The following TAPT1 variants were observed in gnomAD, a reference collection of about 807,000 sequenced individuals.
TAPT1 encodes the protein transmembrane anterior posterior transformation 1.
In TAPT1, 28 loss-of-function variants were observed where a neutral mutation model predicts 65.6. That is an observed-to-expected ratio of 0.43 (90% CI 0.32 to 0.59). The LOEUF (loss-of-function observed/expected upper bound fraction) is 0.59. Among genes scored for constraint, TAPT1 ranks in the 20% least tolerant of loss-of-function variants. The pLI is 0.09. For synonymous variants in TAPT1, 278 were observed against 245.2 expected (o/e 1.13, Z -1.25); for missense variants, 563 against 679.9 (o/e 0.83, Z 1.91).
intron 7 of TAPT1, chr4:16,183,168 G>A (rs1187453303): frequency 6.6e-6 from 1 of 152,064 alleles, no homozygotes; most frequent in African/African-American, 2.4e-5. Flanking sequence ...GCTGAACGTT[G>A]CCTAGAATAT....
At chr4:16,178,725 T>C (rs1223750116) in intron 8 of TAPT1, among the ~76,000 whole-genome samples, 2 of 152,212 alleles carry the variant, frequency 1.3e-5, no homozygotes, top group African/African-American at 2.4e-5. Context: ...TGAAAATTCA[T>C]GGAGTCTTGA....
rs988660668 is a variant in TAPT1, at chr4:16,160,825, T to C, written c.*2483A>G. Reference sequence around the variant, plus strand: ...AGGATATATTTTGATGGCCTAATTATAGCAAGTTTCTTTCACTTTATGTAA... The same window carrying C: ...AGGATATATTTTGATGGCCTAATTACAGCAAGTTTCTTTCACTTTATGTAA... On this transcript the variant is annotated 3_prime_UTR_variant, in exon 14 of 14. Transcript: ENST00000405303. The C allele has an allele frequency of 6.5e-6, 1 of 152,680 alleles. No individual in the cohort carries two copies. The highest frequency in any genetic ancestry group is 1.5e-5 in the Non-Finnish European group (1 of 68,044). 9.5% of individuals were successfully genotyped at this position (152,680 alleles called of 1,614,324 possible).
chr4:16,208,770 G>C (rs60768295), intron 2 of TAPT1, among the ~76,000 whole-genome samples: 26,363 of 152,192 alleles, frequency 0.17, 2,806 homozygotes, highest in East Asian at 0.3. Flanking sequence ...ATTCTATACA[G>C]CTAAAAGCAT....
intron 5 of TAPT1, 112 bp from the exon 6 acceptor site, chr4:16,186,990 A>G: frequency 3.1e-6 from 2 of 649,192 alleles, no homozygotes; most frequent in Non-Finnish European, 5.4e-6. Flanking sequence ...AATTGTCTTA[A>G]TAAGTATTGT....
chr4:16,181,689 TC>T lies in TAPT1; in HGVS notation c.917-2033del, dbSNP rs541182373. On this transcript the variant is annotated intron_variant, in intron 7 of 13. Coordinates refer to ENST00000405303, the MANE Select transcript of TAPT1 (RefSeq NM_153365.3). ...TTCAAGCAATTCTCCTGTCTCAGCC[TC>T]CGGAGTAGCTGGGATTACAGGCATG... Among the ~76,000 whole-genome samples the T allele has an allele frequency of 9.8e-5, 15 of 152,316 alleles. No homozygotes were observed. In the East Asian group the frequency reaches 2.9e-3, roughly 29 times the overall value.
intron 3 of TAPT1, among the ~76,000 whole-genome samples, chr4:16,199,973 C>T (rs548785166): frequency 5.0e-4 from 76 of 152,270 alleles, no homozygotes; most frequent in Non-Finnish European, 5.4e-4. Context: ...GAGTGCAACA[C>T]AGTTTTAGAT....
At chr4:16,213,430 G>GA (rs146159131) in intron 2 of TAPT1, among the ~76,000 whole-genome samples, 11 of 151,688 alleles carry the variant, frequency 7.3e-5, no homozygotes, top group African/African-American at 1.9e-4. Context: ...CTGAATGGGG[G>GA]AAAAAAAACC....
Position 16,163,401 on chromosome 4 carries a change from TATGTCCTTCTCGTC to T in TAPT1, c.1597_1610del (p.Asp533AsnfsTer6). ...GTTTTAATTCAGAATTGTCCTGCGT[TATGTCCTTCTCGTC>T]ACCATCTGGAGTTGTCAAAAACTGA... is the stretch of plus-strand genomic sequence containing the variant. On this transcript the variant is annotated frameshift_variant, in exon 14 of 14. Coordinates refer to ENST00000405303, the MANE Select transcript of TAPT1 (RefSeq NM_153365.3). LOFTEE classifies it high-confidence loss of function. 1 of 1,614,008 alleles carries T rather than the reference TATGTCCTTCTCGTC, an allele frequency of 6.2e-7. No homozygotes were observed. The highest frequency in any genetic ancestry group is 8.5e-7 in the Non-Finnish European group (1 of 1,179,870).
rs1193985623 is a variant in TAPT1 at position 16,174,748 on chromosome 4, G to C, written c.1108-19C>G. ...TGTAGACCTAAAAACAAACAAGAATGAAATATCAAGTAATACAGTAAAAAT... is the reference window on the plus strand; with the variant it reads ...TGTAGACCTAAAAACAAACAAGAATCAAATATCAAGTAATACAGTAAAAAT... On this transcript the variant is annotated intron_variant, in intron 9 of 13. Transcript: ENST00000405303. 6.6e-7 allele frequency: 1 copy of C among 1,519,686 alleles called. No homozygotes were observed. 94.1% of individuals were successfully genotyped at this position (1,519,686 alleles called of 1,614,324 possible).
At chr4:16,196,718 T>TTCGG in intron 3 of TAPT1, 1 of 1,286,548 alleles carries the variant, frequency 7.8e-7, no homozygotes, top group South Asian at 1.2e-5. Context: ...TGCTCCTCCC[T>TTCGG]TCGGTCTGAT....
At chr4:16,173,402 A>C (rs1748126260) in intron 11 of TAPT1, among the ~76,000 whole-genome samples, 1 of 152,132 alleles carries the variant, frequency 6.6e-6, no homozygotes, top group Non-Finnish European at 1.5e-5. Context: ...GTGCTTTTGA[A>C]AAAAATACAT....
intron 3 of TAPT1, among the ~76,000 whole-genome samples, chr4:16,194,545 A>C (rs1482774773): frequency 6.6e-6 from 1 of 152,116 alleles, no homozygotes; most frequent in East Asian, 1.9e-4. Flanking sequence ...TTTCTGTAAA[A>C]TTTTACACTG....
chr4:16,201,323 C>T (rs1051985667), intron 3 of TAPT1, among the ~76,000 whole-genome samples: 13 of 152,124 alleles, frequency 8.5e-5, no homozygotes, highest in Admixed American at 3.3e-4. Flanking sequence ...ATGTGTATAT[C>T]GACCACTAAT....
At chr4:16,217,787 G>T (rs753188268) in intron 1 of TAPT1, among the ~76,000 whole-genome samples, 1 of 152,244 alleles carries the variant, frequency 6.6e-6, no homozygotes, top group Non-Finnish European at 1.5e-5. Context: ...GACTTGGGGA[G>T]TTAGCAGGGA....
chr4:16,217,122 T>C (rs1478546723), intron 1 of TAPT1, among the ~76,000 whole-genome samples: 2 of 152,216 alleles, frequency 1.3e-5, no homozygotes, highest in Admixed American at 1.3e-4. Context: ...GTACCCTCTC[T>C]GTGAAGACTT....
chr4:16,177,175 G>A (rs1363861878), intron 8 of TAPT1, among the ~76,000 whole-genome samples: 1 of 152,132 alleles, frequency 6.6e-6, no homozygotes, highest in Non-Finnish European at 1.5e-5. Flanking sequence ...AATATTTAAG[G>A]TAATGGATAT....
chr4:16,199,172 A>G (rs1376167225), intron 3 of TAPT1, among the ~76,000 whole-genome samples: 1 of 152,182 alleles, frequency 6.6e-6, no homozygotes, highest in Non-Finnish European at 1.5e-5. Context: ...AATTGCTGAA[A>G]CAGTTATATA....
At chr4:16,221,923 G>A (rs951856231) in intron 1 of TAPT1, among the ~76,000 whole-genome samples, 1 of 152,140 alleles carries the variant, frequency 6.6e-6, no homozygotes, top group Non-Finnish European at 1.5e-5. Flanking sequence ...CAAACATTAA[G>A]TAAAGAACCA....
intron 1 of TAPT1, among the ~76,000 whole-genome samples, chr4:16,215,603 C>G (rs1750894459): frequency 6.6e-6 from 1 of 152,172 alleles, no homozygotes; most frequent in Non-Finnish European, 1.5e-5. Context: ...AGACTTCTTT[C>G]CACCTTTGCC....
Sources: allele counts gnomAD v4.1 joint callset (sites outside exome capture counted in the v4.1 genomes callset), GRCh38; gene constraint gnomAD v4.1.1; transcripts MANE v1.5; gene names NCBI Gene and HGNC (gene_info 2026-07-23, HGNC 2026-07-21).